METTL6: variants seen among roughly 807,000 people sequenced by gnomAD.
METTL6 encodes the protein tRNA N(3)-cytidine methyltransferase METTL6.
In METTL6, 22 loss-of-function variants were observed where a neutral mutation model predicts 26.4. The observed-to-expected ratio is 0.83, with a 90% CI of 0.59 to 1.19. METTL6 has a LOEUF of 1.19. Ranked by LOEUF, METTL6 falls within the 50% of genes most tolerant of loss-of-function variation. The pLI, the probability that METTL6 is intolerant of heterozygous loss-of-function variation, is 0.00. For missense variants in METTL6, 304 were observed against 324.8 expected, an observed-to-expected ratio of 0.94 and a Z score of 0.49; for synonymous variants, 109 against 116.2, an observed-to-expected ratio of 0.94 and a Z score of 0.40.
chr3:15,418,486 CA>C (rs2061540564), intron 3 of METTL6, among the ~76,000 whole-genome samples: 1 of 152,004 alleles, frequency 6.6e-6, no homozygotes, highest in Admixed American at 6.6e-5. Flanking sequence ...AGAAATTACA[CA>C]AACTGAAAAT....
At chr3:15,414,736 A>G (rs532203707) in intron 4 of METTL6, 2 of 401,860 alleles carry the variant, frequency 5.0e-6, no homozygotes, top group African/African-American at 2.1e-5. Context: ...CAACCTGGGC[A>G]ATATAGTGAG....
intron 6 of METTL6, among the ~76,000 whole-genome samples, chr3:15,392,298 T>A (rs1382678487): frequency 2.0e-5 from 3 of 152,226 alleles, no homozygotes; most frequent in African/African-American, 7.2e-5. Flanking sequence ...AAATGTCTTC[T>A]TTTGAGAAGT....
intron 2 of METTL6, among the ~76,000 whole-genome samples, chr3:15,425,355 AT>A (rs1382547613): frequency 1.1e-4 from 17 of 152,126 alleles, no homozygotes; most frequent in African/African-American, 4.1e-4. Flanking sequence ...CCTGCATTCT[AT>A]CCTTGGGTAA....
chr3:15,423,203 G>A (rs1006785649), intron 3 of METTL6, among the ~76,000 whole-genome samples: 1 of 151,504 alleles, frequency 6.6e-6, no homozygotes, highest in African/African-American at 2.4e-5. Flanking sequence ...TGAGACCAGC[G>A]TGGCTAACAT....
chr3:15,425,700 T>C (rs528278391), intron 2 of METTL6, among the ~76,000 whole-genome samples: 25 of 152,298 alleles, frequency 1.6e-4, no homozygotes, highest in African/African-American at 5.3e-4. Flanking sequence ...TAGCTGGCAA[T>C]AGCCACCAGA....
chr3:15,400,159 G>A lies in METTL6; in HGVS notation c.*11+11086C>T, dbSNP rs546865360. Among the ~76,000 whole-genome samples, 11 of 152,100 alleles carry A rather than the reference G, an allele frequency of 7.2e-5. 2 individuals are homozygous for A. The South Asian group carries it at 2.3e-3, about 32-fold the overall frequency. On this transcript the variant is annotated intron_variant, in intron 6 of 6. Coordinates refer to the METTL6 transcript ENST00000443029. The stretch of plus-strand genomic sequence containing the variant: ...TACCTGAGAGATTTTATCTGCATAA[G>A]GCAACCTTTGTGGGCTGTGCATTTC...
intron 3 of METTL6, among the ~76,000 whole-genome samples, chr3:15,424,422 A>G (rs1471186527): frequency 6.6e-6 from 1 of 152,170 alleles, no homozygotes; most frequent in Non-Finnish European, 1.5e-5. Flanking sequence ...AAGCACCACC[A>G]TGCCCAGCTA....
chr3:15,406,141 A>G (rs1699777656), downstream of METTL6, among the ~76,000 whole-genome samples: 1 of 152,074 alleles, frequency 6.6e-6, no homozygotes, highest in Admixed American at 6.5e-5. Context: ...TATTTTTTAT[A>G]GTACTGTTAG....
chr3:15,421,291 T>C (rs895500197), intron 3 of METTL6, among the ~76,000 whole-genome samples: 2 of 152,262 alleles, frequency 1.3e-5, no homozygotes, highest in Non-Finnish European at 2.9e-5. Context: ...TAAAACACGA[T>C]ACATACTGCG....
At chr3:15,388,141 G>A (rs910085457) in intron 6 of METTL6, among the ~76,000 whole-genome samples, 3 of 151,388 alleles carry the variant, frequency 2.0e-5, no homozygotes, top group Non-Finnish European at 4.4e-5. Flanking sequence ...ATGGAGTTTC[G>A]CTCTTGTCGC....
At chr3:15,384,041 A>T in exon 7 of METTL6, 5 of 352,132 alleles carry the variant, frequency 1.4e-5, no homozygotes, top group South Asian at 1.0e-4. Flanking sequence ...AGGTCTCTGG[A>T]TAAAGGGTTA....
intron 5 of METTL6, among the ~76,000 whole-genome samples, chr3:15,412,958 C>T (rs537269016): frequency 6.6e-6 from 1 of 152,256 alleles, no homozygotes; most frequent in African/African-American, 2.4e-5. Context: ...TTAAATACCT[C>T]TTTAGGCTGG....
intron 6 of METTL6, among the ~76,000 whole-genome samples, chr3:15,397,394 T>G (rs555986949): frequency 2.6e-5 from 4 of 152,176 alleles, no homozygotes; most frequent in African/African-American, 7.2e-5. Context: ...CCCCTTTCCT[T>G]GGCTAGGAAA....
At chr3:15,418,184 A>G (rs894006250) in intron 3 of METTL6, among the ~76,000 whole-genome samples, 4 of 152,226 alleles carry the variant, frequency 2.6e-5, no homozygotes, top group East Asian at 3.8e-4. Flanking sequence ...GGCAAAAAAC[A>G]TAGTGTGAAG....
intron 6 of METTL6, chr3:15,384,273 C>G: frequency 3.6e-6 from 1 of 277,318 alleles, no homozygotes; most frequent in Non-Finnish European, 7.1e-6. Flanking sequence ...ACAACTCCAC[C>G]TCATGTGCTC....
At chr3:15,417,325 C>T (rs1435328078) in intron 3 of METTL6, among the ~76,000 whole-genome samples, 3 of 151,998 alleles carry the variant, frequency 2.0e-5, no homozygotes, top group Admixed American at 6.6e-5. Context: ...CGTGGTGACC[C>T]GCACCTGTAG....
intron 3 of METTL6, among the ~76,000 whole-genome samples, chr3:15,419,820 T>C (rs538952385): frequency 2.4e-4 from 36 of 151,510 alleles, no homozygotes; most frequent in African/African-American, 8.7e-4. Flanking sequence ...AGCAAAAAAA[T>C]AGAAACAATT....
At chr3:15,412,864 C>T (rs1321057256) in intron 5 of METTL6, among the ~76,000 whole-genome samples, 1 of 152,152 alleles carries the variant, frequency 6.6e-6, no homozygotes, top group African/African-American at 2.4e-5. Flanking sequence ...AATTATCTTC[C>T]TGTCTAGATG....
chr3:15,384,028 A>C (rs926992874), exon 7 of METTL6: 45 of 340,068 alleles, frequency 1.3e-4, no homozygotes, highest in African/African-American at 1.0e-3. Context: ...AGTTGAAAAC[A>C]AAAGGTCTCT....
Sources: gnomAD v4.1 joint callset for allele counts (sites outside exome capture counted in the v4.1 genomes callset) on GRCh38, gnomAD v4.1.1 for gene constraint, MANE v1.5 for transcripts, NCBI Gene and HGNC (gene_info 2026-07-23, HGNC 2026-07-21) for gene names.